The following FBRSL1 variants were observed in gnomAD, a reference collection of about 807,000 sequenced individuals.
FBRSL1 encodes the protein fibrosin like 1.
In FBRSL1, 51 loss-of-function variants were observed where a neutral mutation model predicts 89.6. That is an observed-to-expected ratio of 0.57 (90% CI 0.45 to 0.72). The LOEUF (loss-of-function observed/expected upper bound fraction) is 0.72, where lower values mean the gene tolerates loss of function less well. Among genes scored for constraint, FBRSL1 ranks in the 30% least tolerant of loss-of-function variants. The probability of loss-of-function intolerance (pLI) is 0.00; values close to 1 mark genes in which losing one functional copy is unlikely to be tolerated. For missense variants in FBRSL1, 1,618 were observed against 1,451.8 expected (o/e 1.11, Z -1.86); for synonymous variants, 779 against 681.1 (o/e 1.14, Z -2.24).
At chr12:132,519,719 G>A (rs939372530) in intron 2 of FBRSL1, among the ~76,000 whole-genome samples, 1 of 152,150 alleles carries the variant, frequency 6.6e-6, no homozygotes. Context: ...GACCAGTCTG[G>A]CCAAGATGGT....
intron 2 of FBRSL1, chr12:132,509,416 GC>G: frequency 8.1e-7 from 1 of 1,241,444 alleles, no homozygotes; most frequent in Non-Finnish European, 1.0e-6. Flanking sequence ...TCACTTCTGG[GC>G]CCCGGTCAGC....
chr12:132,497,212 C>T (rs938890071), intron 1 of FBRSL1, among the ~76,000 whole-genome samples: 1 of 152,216 alleles, frequency 6.6e-6, no homozygotes, highest in Non-Finnish European at 1.5e-5. Context: ...CCCAGCACTC[C>T]AGCCCATTTA....
In FBRSL1 at chr12:132,583,635, C is replaced by T; in HGVS notation, c.2866C>T (p.Pro956Ser). Reference sequence around the variant, plus strand: ...GCCCGCCGCCGCCGCCCTCGGCGCACCGCCCCCCCTGGTGACGGCGGCCGG... The same window carrying T: ...GCCCGCCGCCGCCGCCCTCGGCGCATCGCCCCCCCTGGTGACGGCGGCCGG... ...TPPAAAALGA[P>S]PPLVTAAGPP... Residue 956 changes from proline to serine, a missense_variant, in exon 19 of 19, where the codon CCG (proline) becomes TCG (serine). By Grantham distance (74) the Pro-to-Ser change is moderately conservative (BLOSUM62 -1). Coordinates refer to ENST00000680143, the MANE Select transcript of FBRSL1 (RefSeq NM_001367871.1). 1.0e-6 allele frequency: 1 copy of T among 1,003,466 alleles called. No individual in the cohort carries two copies. The highest frequency in any genetic ancestry group is 1.2e-6 in the Non-Finnish European group (1 of 842,116). The allele number at this position is 1,003,466 out of a possible 1,614,324, so 62.2% of individuals were successfully genotyped here. A position where few individuals can be genotyped will look rare whatever the true frequency, so the allele number is the denominator to read the frequency against.
intron 2 of FBRSL1, among the ~76,000 whole-genome samples, chr12:132,514,764 C>G (rs1039539622): frequency 2.4e-4 from 37 of 152,112 alleles, no homozygotes; most frequent in Admixed American, 2.1e-3. Flanking sequence ...CCTGGACTCT[C>G]CTAGGGCAGC....
intron 2 of FBRSL1, chr12:132,510,956 C>T: frequency 2.0e-6 from 2 of 991,488 alleles, no homozygotes; most frequent in Non-Finnish European, 2.4e-6. Flanking sequence ...GCTGTGTGTG[C>T]ATGTGTGCGA....
chr12:132,508,351 G>T lies in FBRSL1; in HGVS notation c.489+1G>T. Reference sequence around the variant, plus strand: ...GGTCCCACTGCAGCCCTCCAAGCAGGTGAGCAGGTCCCTCCCCGACCGGAA... The same window carrying T: ...GGTCCCACTGCAGCCCTCCAAGCAGTTGAGCAGGTCCCTCCCCGACCGGAA... On this transcript the variant is annotated splice_donor_variant, in intron 2 of 18. Transcript: ENST00000680143. LOFTEE classifies it high-confidence loss of function. 1.3e-6 allele frequency: 2 copies of T among 1,510,762 alleles called. No homozygotes were observed. Among genetic ancestry groups the T allele is most frequent in the Non-Finnish European group, 1.8e-6 (2 of 1,128,748 alleles). 93.6% of individuals were successfully genotyped at this position (1,510,762 alleles called of 1,614,324 possible). A position where few individuals can be genotyped will look rare whatever the true frequency, so the allele number is the denominator to read the frequency against.
At chr12:132,565,387 T>C (rs5023077) in intron 5 of FBRSL1, 92,307 of 152,114 alleles carry the variant, frequency 0.61, 29,235 homozygotes, top group African/African-American at 0.76. Flanking sequence ...AACACACATG[T>C]GATGCTCATG....
At chr12:132,521,426 A>G (rs1367485794) in intron 2 of FBRSL1, among the ~76,000 whole-genome samples, 1 of 152,090 alleles carries the variant, frequency 6.6e-6, no homozygotes, top group Non-Finnish European at 1.5e-5. Flanking sequence ...CCTCTGCCCC[A>G]TCTCCCAGGG....
At chr12:132,539,329 A>T (rs1046458565) in intron 4 of FBRSL1, among the ~76,000 whole-genome samples, 1 of 150,218 alleles carries the variant, frequency 6.7e-6, no homozygotes, top group Non-Finnish European at 1.5e-5. Context: ...ATGCCCACCC[A>T]GTCCTGCCCT....
chr12:132,510,165 C>G, intron 2 of FBRSL1: 1 of 1,230,930 alleles, frequency 8.1e-7, no homozygotes, highest in Non-Finnish European at 1.0e-6. Flanking sequence ...CTGCCAGCCC[C>G]TGCGGCCGCT....
chr12:132,506,499 A>C (rs1043500695), intron 1 of FBRSL1, among the ~76,000 whole-genome samples: 2 of 152,218 alleles, frequency 1.3e-5, no homozygotes, highest in Non-Finnish European at 2.9e-5. Flanking sequence ...GACAAATCCC[A>C]GCACAGTGGT....
chr12:132,496,619 G>A (rs116185717), intron 1 of FBRSL1, among the ~76,000 whole-genome samples: 8,459 of 152,314 alleles, frequency 0.056, 245 homozygotes, highest in Middle Eastern at 0.13. Flanking sequence ...TGGCTGTGAC[G>A]TTGCTGCTTC....
intron 5 of FBRSL1, chr12:132,553,057 G>A (rs2038327068): frequency 6.5e-6 from 1 of 152,804 alleles, no homozygotes; most frequent in Non-Finnish European, 1.5e-5. Context: ...GTGGCTCACG[G>A]AGGCCTTCCT....
Position 132,574,356 on chromosome 12 carries a change from C to T in FBRSL1, c.1629+8C>T, listed in dbSNP as rs1295799084. ...TACCGGGCGGTGGTCAAGGTGAGCA[C>T]GTGTTGGGAAGGCCCGTGGCAAGGG... On this transcript the variant is annotated splice_region_variant and intron_variant, in intron 13 of 18. Transcript: ENST00000680143. The T allele has an allele frequency of 3.0e-5, 47 of 1,549,676 alleles. No individual in the cohort carries two copies. The South Asian group carries it at 3.1e-4, about 10-fold the overall frequency.
intron 2 of FBRSL1, among the ~76,000 whole-genome samples, chr12:132,512,860 G>A (rs575583273): frequency 1.3e-5 from 2 of 152,224 alleles, no homozygotes; most frequent in Non-Finnish European, 2.9e-5. Context: ...CACCCGTGGA[G>A]GAAACATTCA....
chr12:132,520,884 G>A (rs1053678836), intron 2 of FBRSL1, among the ~76,000 whole-genome samples: 1 of 152,212 alleles, frequency 6.6e-6, no homozygotes, highest in African/African-American at 2.4e-5. Context: ...TCAGGATTCG[G>A]GGACGGCTTT....
In FBRSL1 at chr12:132,574,122, T is replaced by C. The variant is rs942429321; in HGVS notation, c.1563T>C (p.Ala521=). 1 of 1,368,422 alleles carries C rather than the reference T, an allele frequency of 7.3e-7. No homozygotes were observed. The highest frequency in any genetic ancestry group is 2.9e-5 in the East Asian group (1 of 34,500). 84.8% of individuals were successfully genotyped at this position (1,368,422 alleles called of 1,614,324 possible). A position where few individuals can be genotyped will look rare whatever the true frequency, so the allele number is the denominator to read the frequency against. Residue 521 remains alanine, a synonymous_variant, in exon 12 of 19, where the codon GCT becomes GCC. Coordinates refer to ENST00000680143, the MANE Select transcript of FBRSL1 (RefSeq NM_001367871.1). ...GCCCCATTGAGGTGGCCCGCCGGGC[T>C]GGTGCGGTTCACACACTCCTGCAGA... ...TSSPIEVARR[A]GAVHTLLQKA... is the part of the protein sequence containing the mutation.
rs1421056376 is a variant in FBRSL1, at chr12:132,499,882, A to G, written c.292-8271A>G. Among the ~76,000 whole-genome samples the G allele has an allele frequency of 6.6e-6, 1 of 152,146 alleles. No homozygotes were observed. Among genetic ancestry groups the G allele is most frequent in the Non-Finnish European group, 1.5e-5 (1 of 68,010 alleles). ...CTCTGAGCCCCAGCTCCGTTGGCGCAGCAGAGCTGTGCTGATCTGGTTTGT... is the reference window on the plus strand; with the variant it reads ...CTCTGAGCCCCAGCTCCGTTGGCGCGGCAGAGCTGTGCTGATCTGGTTTGT... On this transcript the variant is annotated intron_variant, in intron 1 of 18. Transcript: ENST00000680143. The surrounding 1 kb of genome is among the most constrained non-coding windows in gnomAD (Gnocchi z 4.3).
intron 2 of FBRSL1, among the ~76,000 whole-genome samples, chr12:132,521,226 C>T (rs1286524306): frequency 6.6e-6 from 1 of 152,218 alleles, no homozygotes; most frequent in Non-Finnish European, 1.5e-5. Context: ...GAAGCGGGAG[C>T]TGCGAGGAGG....
Sources: gnomAD v4.1 joint callset for allele counts (sites outside exome capture counted in the v4.1 genomes callset) on GRCh38, gnomAD v4.1.1 for gene constraint, Gnocchi (gnomAD v3.1) non-coding constraint, MANE v1.5 for transcripts, NCBI Gene and HGNC (gene_info 2026-07-23, HGNC 2026-07-21) for gene names.